GRIK2: variants seen among roughly 807,000 people sequenced by gnomAD.
GRIK2 encodes glutamate ionotropic receptor kainate type subunit 2.
In GRIK2, 32 loss-of-function variants were observed where a neutral mutation model predicts 100.3. The observed-to-expected ratio is 0.32, with a 90% confidence interval of 0.24 to 0.43. The LOEUF is 0.43. Among genes scored for constraint, GRIK2 ranks in the 20% least tolerant of loss-of-function variants. The pLI, the probability that GRIK2 is intolerant of heterozygous loss-of-function variation, is 1.00. For synonymous variants in GRIK2, 417 were observed against 389.4 expected (o/e 1.07, Z -0.83); for missense variants, 843 against 1,114.9 (o/e 0.76, Z 3.47).
chr6:101,752,671 A>G (rs1776866030), intron 7 of GRIK2, among the ~76,000 whole-genome samples: 2 of 152,208 alleles, frequency 1.3e-5, no homozygotes. Flanking sequence ...AAGTGGTAGA[A>G]TTAGAATATT....
intron 15 of GRIK2, 74 bp from the exon 16 acceptor site, chr6:102,055,256 C>G (rs1173259817): frequency 1.1e-5 from 13 of 1,174,268 alleles, no homozygotes; most frequent in Non-Finnish European, 1.6e-5. Flanking sequence ...CTCTGCCCTC[C>G]TCTCATCTTG....
intron 10 of GRIK2, among the ~76,000 whole-genome samples, chr6:101,844,432 G>T (rs187338228): frequency 5.8e-4 from 88 of 152,280 alleles, no homozygotes; most frequent in Non-Finnish European, 8.7e-4. Flanking sequence ...TGTGGTAGAA[G>T]ATTCCTTCTC....
chr6:101,802,286 A>G (rs1247825343), intron 8 of GRIK2, 45 bp from the exon 9 acceptor site: 4 of 753,316 alleles, frequency 5.3e-6, no homozygotes, highest in African/African-American at 1.8e-5. Flanking sequence ...TGTTTATTCC[A>G]TCTTTCTTCA....
chr6:101,511,817 G>T (rs1359739067), intron 2 of GRIK2, among the ~76,000 whole-genome samples: 1 of 151,836 alleles, frequency 6.6e-6, no homozygotes, highest in African/African-American at 2.4e-5. Context: ...CTTGGAAAAT[G>T]GTTCAGATTA....
intron 2 of GRIK2, among the ~76,000 whole-genome samples, chr6:101,537,441 TTTGTGTGTGTGTGC>T (rs1409236984): frequency 6.8e-4 from 64 of 94,380 alleles, no homozygotes; most frequent in East Asian, 2.4e-3. Context: ...TGTGTGTGTG[TTTGTGTGTGTGTGC>T]GTGTGTGTGT....
intron 4 of GRIK2, among the ~76,000 whole-genome samples, chr6:101,668,774 TC>T (rs750782527): frequency 7.2e-5 from 11 of 152,134 alleles, no homozygotes; most frequent in Non-Finnish European, 1.3e-4. Flanking sequence ...AACCTGGGAC[TC>T]CCTTCCTGGG....
chr6:101,762,724 G>A (rs1777808175), intron 7 of GRIK2, among the ~76,000 whole-genome samples: 1 of 152,090 alleles, frequency 6.6e-6, no homozygotes, highest in Non-Finnish European at 1.5e-5. Context: ...AGGATTTGAA[G>A]TTTTTTTCTA....
At chr6:101,939,933 A>AT (rs1454075252) in intron 14 of GRIK2, among the ~76,000 whole-genome samples, 1 of 152,112 alleles carries the variant, frequency 6.6e-6, no homozygotes, top group African/African-American at 2.4e-5. Flanking sequence ...TACCTGGAAA[A>AT]TTTTAACAAT....
intron 2 of GRIK2, among the ~76,000 whole-genome samples, chr6:101,420,063 A>G (rs1316801598): frequency 6.6e-6 from 1 of 152,126 alleles, no homozygotes; most frequent in Non-Finnish European, 1.5e-5. Flanking sequence ...GATGATGGTT[A>G]CTCTTTGTTG....
At chr6:102,042,346 T>C (rs375261100) in intron 15 of GRIK2, among the ~76,000 whole-genome samples, 14 of 151,636 alleles carry the variant, frequency 9.2e-5, no homozygotes, top group African/African-American at 3.4e-4. Context: ...CTCTGTAAAA[T>C]AATGAACATA....
chr6:101,461,529 T>C (rs931799806), intron 2 of GRIK2, among the ~76,000 whole-genome samples: 5 of 152,202 alleles, frequency 3.3e-5, no homozygotes, highest in African/African-American at 1.2e-4. Context: ...ATTTCTCTGA[T>C]TCAGCCAGGA....
chr6:101,611,911 A>G (rs1213425984), intron 2 of GRIK2, among the ~76,000 whole-genome samples: 1 of 151,830 alleles, frequency 6.6e-6, no homozygotes, highest in Non-Finnish European at 1.5e-5. Flanking sequence ...ATTAATTTCA[A>G]ATTGTTATAG....
At chr6:101,570,678 T>C (rs557253793) in intron 2 of GRIK2, among the ~76,000 whole-genome samples, 74 of 152,288 alleles carry the variant, frequency 4.9e-4, no homozygotes, top group African/African-American at 1.7e-3. Flanking sequence ...CTGGACATGA[T>C]TTGCCCTGAC....
chr6:101,645,600 A>G (rs1483526600), intron 4 of GRIK2, among the ~76,000 whole-genome samples: 3 of 151,994 alleles, frequency 2.0e-5, no homozygotes, highest in Non-Finnish European at 4.4e-5. Flanking sequence ...AAACTAAAGC[A>G]TAATGTAATA....
intron 10 of GRIK2, among the ~76,000 whole-genome samples, chr6:101,856,036 T>C (rs1276696102): frequency 2.0e-5 from 3 of 152,120 alleles, no homozygotes; most frequent in Non-Finnish European, 4.4e-5. Flanking sequence ...GTTTTGTGAG[T>C]TGTGAAGCCT....
At chr6:101,841,614 T>C (rs1305013645) in intron 10 of GRIK2, among the ~76,000 whole-genome samples, 3 of 152,144 alleles carry the variant, frequency 2.0e-5, no homozygotes, top group Non-Finnish European at 4.4e-5. Context: ...TCCACCTGCC[T>C]GAGCCTCCCA....
chr6:101,430,297 C>T (rs570674347), intron 2 of GRIK2: 44 of 153,556 alleles, frequency 2.9e-4, no homozygotes, highest in Non-Finnish European at 5.2e-4. Flanking sequence ...TAATCAGATA[C>T]AAGCTTCTGG....
At chr6:101,811,457 A>C (rs1781321115) in intron 9 of GRIK2, among the ~76,000 whole-genome samples, 1 of 152,080 alleles carries the variant, frequency 6.6e-6, no homozygotes, top group Non-Finnish European at 1.5e-5. Context: ...AGAAAGTATA[A>C]AGAGAATTTT....
intron 12 of GRIK2, among the ~76,000 whole-genome samples, chr6:101,910,062 T>C (rs2128465156): frequency 6.6e-6 from 1 of 151,280 alleles, no homozygotes; most frequent in East Asian, 1.9e-4. Flanking sequence ...TATATGTAGT[T>C]ATAGAATTTG....
Sources: allele counts gnomAD v4.1 joint callset (sites outside exome capture counted in the v4.1 genomes callset), GRCh38; gene constraint gnomAD v4.1.1; transcripts MANE v1.5; gene names NCBI Gene and HGNC (gene_info 2026-07-23, HGNC 2026-07-21).